Variants in CHD9 observed in about 807,000 individuals in gnomAD.
CHD9 encodes the protein chromodomain helicase DNA binding protein 9.
In CHD9, 77 loss-of-function variants were observed where a neutral mutation model predicts 316.1. The ratio of observed to expected loss-of-function variants is 0.24; its 90% confidence interval spans 0.20 to 0.29. The LOEUF (loss-of-function observed/expected upper bound fraction) is 0.29, where lower values mean the gene tolerates loss of function less well. Ranked by LOEUF, CHD9 falls within the 10% of genes least tolerant of loss-of-function variation. The pLI, the probability that CHD9 is intolerant of heterozygous loss-of-function variation, is 1.00. For missense variants in CHD9, 2,763 were observed against 3,438.1 expected, an observed-to-expected ratio of 0.80 and a Z score of 4.91; for synonymous variants, 1,129 against 1,158.3, an observed-to-expected ratio of 0.97 and a Z score of 0.51.
intron 1 of CHD9, among the ~76,000 whole-genome samples, chr16:53,138,687 G>A (rs1027493515): frequency 1.3e-5 from 2 of 152,268 alleles, no homozygotes; most frequent in Admixed American, 6.5e-5. Context: ...GGTTAGTGAT[G>A]ATAACTTTTT....
chr16:53,132,938 A>T (rs1474275369), intron 1 of CHD9, among the ~76,000 whole-genome samples: 2 of 151,408 alleles, frequency 1.3e-5, no homozygotes, highest in Middle Eastern at 6.4e-3. Context: ...CCTCCCCAGT[A>T]GCTGGGATTA....
At chr16:53,215,578 G>T (rs1384701427) in intron 3 of CHD9, among the ~76,000 whole-genome samples, 2 of 152,132 alleles carry the variant, frequency 1.3e-5, no homozygotes, top group Non-Finnish European at 2.9e-5. Context: ...TTAAAAATAG[G>T]CTCAGTACCT....
At chr16:53,282,374 G>T (rs181799060) in intron 24 of CHD9, among the ~76,000 whole-genome samples, 1 of 152,244 alleles carries the variant, frequency 6.6e-6, no homozygotes, top group African/African-American at 2.4e-5. Context: ...TTAAGGCCGT[G>T]GCAAGTGGAT....
rs892144627 is a variant in CHD9 at position 53,077,086 on chromosome 16, C to A, written c.-165+22009C>A. Among the ~76,000 whole-genome samples the A allele has an allele frequency of 2.6e-5, 4 of 151,412 alleles. No homozygotes were observed. In the South Asian group the frequency reaches 8.3e-4, roughly 32 times the overall value. ...TGCTGCAACCTCCGCCTCCTGGGTT[C>A]AAGCAATTCTCCTACCTCAGCCTCC... On this transcript the variant is annotated intron_variant, in intron 1 of 38. Coordinates refer to ENST00000447540, the MANE Select transcript of CHD9 (RefSeq NM_001308319.2).
intron 1 of CHD9, among the ~76,000 whole-genome samples, chr16:53,140,432 A>G (rs79682055): frequency 6.6e-6 from 1 of 151,922 alleles, no homozygotes; most frequent in Non-Finnish European, 1.5e-5. Context: ...AAAAAAAAAA[A>G]AGAATATTTA....
chr16:53,218,639 T>C (rs1193505252), intron 3 of CHD9, among the ~76,000 whole-genome samples: 1 of 152,198 alleles, frequency 6.6e-6, no homozygotes, highest in East Asian at 1.9e-4. Flanking sequence ...TCTCATTTCA[T>C]TGAAGTTTTT....
At chr16:53,276,980 T>G (rs1031719780) in intron 24 of CHD9, among the ~76,000 whole-genome samples, 1 of 152,136 alleles carries the variant, frequency 6.6e-6, no homozygotes, top group African/African-American at 2.4e-5. Flanking sequence ...ATGAATACCT[T>G]TATGTACATA....
chr16:53,210,302 A>C (rs958497897), intron 3 of CHD9, among the ~76,000 whole-genome samples: 4 of 152,078 alleles, frequency 2.6e-5, no homozygotes, highest in Admixed American at 1.3e-4. Context: ...AAAAAAAAAA[A>C]AAAACACTAA....
At chr16:53,161,883 C>G (rs61131589) in intron 2 of CHD9, among the ~76,000 whole-genome samples, 5,728 of 152,198 alleles carry the variant, frequency 0.038, 371 homozygotes, top group African/African-American at 0.13. Flanking sequence ...TCCCAAGCAG[C>G]TTGGCACCAC....
intron 1 of CHD9, among the ~76,000 whole-genome samples, chr16:53,109,364 C>T (rs1336014948): frequency 6.6e-6 from 1 of 152,128 alleles, no homozygotes; most frequent in Non-Finnish European, 1.5e-5. Flanking sequence ...TTTAACAGCC[C>T]TCAGAAAAAT....
intron 1 of CHD9, among the ~76,000 whole-genome samples, chr16:53,130,089 C>T (rs1383217877): frequency 6.6e-6 from 1 of 152,184 alleles, no homozygotes; most frequent in Non-Finnish European, 1.5e-5. Context: ...CAATGGAGAA[C>T]GGGAGCCTGA....
chr16:53,128,611 T>C (rs2039080344), intron 1 of CHD9, among the ~76,000 whole-genome samples: 1 of 152,244 alleles, frequency 6.6e-6, no homozygotes, highest in Non-Finnish European at 1.5e-5. Flanking sequence ...ATGTTGTTCG[T>C]GATATTGATT....
At chr16:53,124,059 C>T (rs932015121) in intron 1 of CHD9, among the ~76,000 whole-genome samples, 4 of 152,124 alleles carry the variant, frequency 2.6e-5, no homozygotes, top group Admixed American at 2.0e-4. Context: ...CTGCTGTGAA[C>T]ATTTGTATGT....
chr16:53,062,465 G>A (rs1596844440), intron 1 of CHD9, among the ~76,000 whole-genome samples: 1 of 152,268 alleles, frequency 6.6e-6, no homozygotes, highest in East Asian at 1.9e-4. Flanking sequence ...TAATAGGCCA[G>A]GTGCAGTGGC....
chr16:53,064,278 CTAGT>C, intron 1 of CHD9, among the ~76,000 whole-genome samples: 1 of 152,316 alleles, frequency 6.6e-6, no homozygotes, highest in Non-Finnish European at 1.5e-5. Flanking sequence ...GTTCCTTCTA[CTAGT>C]TTCTGTTGCA....
Position 53,170,897 on chromosome 16 carries a change from G to C in CHD9, c.1452+13356G>C, listed in dbSNP as rs554702687. 3.9e-5 allele frequency among the ~76,000 whole-genome samples: 6 copies of C among 151,988 alleles called. No homozygotes were observed. The South Asian group carries it at 1.2e-3, about 32-fold the overall frequency. ...TTATCATAAATAATACACTATGTTA[G>C]GCATTCTGCTTTTCTTGCAACTCAG... On this transcript the variant is annotated intron_variant, in intron 2 of 38. Transcript: ENST00000447540.
chr16:53,256,448 C>T (rs1210667908), intron 19 of CHD9, among the ~76,000 whole-genome samples: 5 of 138,934 alleles, frequency 3.6e-5, no homozygotes, highest in East Asian at 2.1e-4. Flanking sequence ...TACAGTGGCA[C>T]GATCTCAGCT....
chr16:53,156,473 G>A lies in CHD9; in HGVS notation c.384G>A (p.Gln128=). Residue 128 remains glutamine, a synonymous_variant, in exon 2 of 39, where the codon CAG becomes CAA. Transcript: ENST00000447540. ...ATGGCAGTCCAATGTGGGGCCATCA[G>A]ACAGCTACTACCATTTCAAATCAAA... ...VSDGSPMWGH[Q]TATTISNQNG... 1 of 1,613,964 alleles carries A rather than the reference G, an allele frequency of 6.2e-7. No homozygotes were observed. Among genetic ancestry groups the A allele is most frequent in the Non-Finnish European group, 8.5e-7 (1 of 1,179,886 alleles).
intron 9 of CHD9, 61 bp downstream of exon 9, chr16:53,231,566 GACCTAGT>G (rs1177063732): frequency 7.3e-7 from 1 of 1,376,032 alleles, no homozygotes; most frequent in Non-Finnish European, 1.0e-6. Flanking sequence ...CAAGTATTAA[GACCTAGT>G]ACTTTATTCT....
Sources: gnomAD v4.1 joint callset for allele counts (sites outside exome capture counted in the v4.1 genomes callset) on GRCh38, gnomAD v4.1.1 for gene constraint, MANE v1.5 for transcripts, NCBI Gene and HGNC (gene_info 2026-07-23, HGNC 2026-07-21) for gene names.